ZNF385D: variants seen among roughly 807,000 people sequenced by gnomAD.
ZNF385D encodes zinc finger protein 659.
A neutral mutation model predicts 35.8 loss-of-function variants in ZNF385D; 15 were observed. The observed-to-expected ratio is 0.42, with a 90% CI of 0.28 to 0.64. The LOEUF is 0.64. ZNF385D is among the 30% of genes least tolerant of loss of function. The probability of loss-of-function intolerance (pLI) is 0.23; values close to 1 mark genes in which losing one functional copy is unlikely to be tolerated. For missense variants in ZNF385D, 474 were observed against 494.6 expected, an observed-to-expected ratio of 0.96 and a Z score of 0.39; for synonymous variants, 212 against 186.8, an observed-to-expected ratio of 1.13 and a Z score of -1.10.
Position 22,152,347 on chromosome 3 carries a change from G to A in ZNF385D, c.325+16470C>T, listed in dbSNP as rs147275049. 2.7e-3 allele frequency among the ~76,000 whole-genome samples: 409 copies of A among 152,140 alleles called. 2 individuals carry two copies. The highest frequency in any genetic ancestry group is 9.3e-3 in the African/African-American group (388 of 41,500). On this transcript the variant is annotated intron_variant, in intron 3 of 5. Coordinates refer to the ZNF385D transcript ENST00000494108. ...ACCTCATACCACTTAGGAAAATGAC[G>A]GTATCTGTATTAGTCTCCTATCATT...
chr3:21,787,961 A>C (rs2071766673), intron 3 of ZNF385D, among the ~76,000 whole-genome samples: 4 of 40,610 alleles, frequency 9.8e-5, no homozygotes, highest in Non-Finnish European at 2.1e-4. Context: ...AAAAAAAAAA[A>C]AAAAAAAAAA....
At chr3:22,357,084 T>A (rs1696188476) in intron 2 of ZNF385D, among the ~76,000 whole-genome samples, 1 of 151,958 alleles carries the variant, frequency 6.6e-6, no homozygotes, top group Non-Finnish European at 1.5e-5. Flanking sequence ...CCATCATTGA[T>A]TATCAAGAAG....
At chr3:22,175,426 A>G (rs1694757504) in intron 2 of ZNF385D, among the ~76,000 whole-genome samples, 1 of 151,872 alleles carries the variant, frequency 6.6e-6, no homozygotes, top group African/African-American at 2.4e-5. Context: ...TAAAAGCACT[A>G]AAATTAATTT....
At chr3:21,694,796 T>C (rs1216150369) in intron 1 of ZNF385D, among the ~76,000 whole-genome samples, 2 of 152,208 alleles carry the variant, frequency 1.3e-5, no homozygotes, top group African/African-American at 4.8e-5. Flanking sequence ...CACTTCTTAC[T>C]AACTGTGTAG....
intron 3 of ZNF385D, among the ~76,000 whole-genome samples, chr3:21,930,058 A>G (rs1003279333): frequency 2.6e-5 from 4 of 152,076 alleles, no homozygotes; most frequent in Admixed American, 2.0e-4. Context: ...ACAAAGCTAC[A>G]ATAATCAAGA....
intron 3 of ZNF385D, among the ~76,000 whole-genome samples, chr3:21,897,544 G>A (rs1214573284): frequency 4.6e-5 from 7 of 152,046 alleles, no homozygotes; most frequent in Admixed American, 4.6e-4. Context: ...AGGGTGTGCT[G>A]ATTGTGGCTA....
intron 2 of ZNF385D, among the ~76,000 whole-genome samples, chr3:21,619,284 AT>A (rs1018927746): frequency 1.3e-5 from 2 of 151,938 alleles, no homozygotes; most frequent in African/African-American, 4.8e-5. Context: ...ACAATCTTTT[AT>A]TTTTTGCAAA....
chr3:21,908,591 C>A (rs1008801874), intron 3 of ZNF385D, among the ~76,000 whole-genome samples: 1 of 152,040 alleles, frequency 6.6e-6, no homozygotes, highest in Admixed American at 6.6e-5. Flanking sequence ...AGATTACCTA[C>A]AACAGTTAGG....
chr3:21,717,150 C>T (rs2068355868), intron 1 of ZNF385D, among the ~76,000 whole-genome samples: 1 of 152,078 alleles, frequency 6.6e-6, no homozygotes, highest in Non-Finnish European at 1.5e-5. Context: ...TGACACATAG[C>T]AAATTCTCAC....
intron 2 of ZNF385D, among the ~76,000 whole-genome samples, chr3:21,591,317 T>C (rs566321785): frequency 6.6e-6 from 1 of 152,286 alleles, no homozygotes; most frequent in African/African-American, 2.4e-5. Context: ...TTCACAATAT[T>C]ATATTTTATG....
At chr3:22,341,660 C>T (rs1695425093) in intron 2 of ZNF385D, among the ~76,000 whole-genome samples, 1 of 152,122 alleles carries the variant, frequency 6.6e-6, no homozygotes, top group Admixed American at 6.5e-5. Context: ...CAAAAGTTAA[C>T]ATCAAACAGA....
chr3:21,916,109 A>G (rs1700182588), intron 3 of ZNF385D, among the ~76,000 whole-genome samples: 2 of 152,294 alleles, frequency 1.3e-5, no homozygotes, highest in South Asian at 4.1e-4. Context: ...TATTGAAGGT[A>G]TATTAGGGTA....
chr3:21,965,522 A>G (rs1324191543), intron 3 of ZNF385D, among the ~76,000 whole-genome samples: 1 of 152,188 alleles, frequency 6.6e-6, no homozygotes, highest in Non-Finnish European at 1.5e-5. Context: ...TACTCTTCAC[A>G]GATGTCCAAA....
At chr3:22,330,678 A>G (rs746175010) in intron 2 of ZNF385D, among the ~76,000 whole-genome samples, 4 of 152,128 alleles carry the variant, frequency 2.6e-5, no homozygotes, top group Admixed American at 6.5e-5. Context: ...GCTCCTCTAC[A>G]CTGTGATGCA....
chr3:21,737,376 T>C (rs1435613953), intron 1 of ZNF385D, among the ~76,000 whole-genome samples: 1 of 151,908 alleles, frequency 6.6e-6, no homozygotes, highest in Non-Finnish European at 1.5e-5. Flanking sequence ...ATAAAAAGAA[T>C]GAGAATCAGT....
chr3:21,879,214 T>C (rs1299952368), intron 3 of ZNF385D, among the ~76,000 whole-genome samples: 1 of 152,036 alleles, frequency 6.6e-6, no homozygotes, highest in African/African-American at 2.4e-5. Flanking sequence ...GTTTGTCATG[T>C]TCTTTAAGTA....
chr3:21,945,660 TTG>T (rs1701745206), intron 3 of ZNF385D, among the ~76,000 whole-genome samples: 1 of 152,202 alleles, frequency 6.6e-6, no homozygotes, highest in Non-Finnish European at 1.5e-5. Context: ...GTTGCTTTTA[TTG>T]TGTGTCTGGC....
At chr3:21,823,637 C>T (rs1453286960) in intron 3 of ZNF385D, among the ~76,000 whole-genome samples, 1 of 152,128 alleles carries the variant, frequency 6.6e-6, no homozygotes, top group Non-Finnish European at 1.5e-5. Flanking sequence ...ATAGCAATAT[C>T]TCAGAAGTGA....
chr3:21,856,786 A>T (rs1696737924), intron 3 of ZNF385D, among the ~76,000 whole-genome samples: 3 of 152,096 alleles, frequency 2.0e-5, no homozygotes, highest in Non-Finnish European at 2.9e-5. Context: ...ACCAGCTCAT[A>T]GGTGCTCAAT....
Sources: gnomAD v4.1 joint callset for allele counts (sites outside exome capture counted in the v4.1 genomes callset) on GRCh38, gnomAD v4.1.1 for gene constraint, MANE v1.5 for transcripts, NCBI Gene and HGNC (gene_info 2026-07-23, HGNC 2026-07-21) for gene names.